UBTD1: variants seen among roughly 807,000 people sequenced by gnomAD.
UBTD1 encodes ubiquitin domain-containing protein 1.
A neutral mutation model predicts 21.7 loss-of-function variants in UBTD1; 19 were observed. The ratio of observed to expected loss-of-function variants is 0.87; its 90% CI spans 0.61 to 1.28. The LOEUF is 1.28. Ranked by LOEUF, UBTD1 falls within the 50% of genes most tolerant of loss-of-function variation. The probability of loss-of-function intolerance (pLI) is 0.00; values close to 1 mark genes in which losing one functional copy is unlikely to be tolerated. For missense variants in UBTD1, 282 were observed against 315.1 expected (o/e 0.89, Z 0.80); for synonymous variants, 116 against 135.1 (o/e 0.86, Z 0.98).
At chr10:97,515,623 T>G (rs946985) in intron 1 of UBTD1, among the ~76,000 whole-genome samples, 118,378 of 152,176 alleles carry the variant, frequency 0.78, 47,355 homozygotes, top group East Asian at 0.98. Context: ...CTCTCTCTCA[T>G]CTCTGCTTCT....
chr10:97,540,840 C>T (rs1191342142), intron 1 of UBTD1, among the ~76,000 whole-genome samples: 6 of 152,190 alleles, frequency 3.9e-5, no homozygotes, highest in Non-Finnish European at 5.9e-5. Flanking sequence ...TGGGCATTGC[C>T]GAGTCAATTT....
Position 97,568,250 on chromosome 10 carries a change from T to A in UBTD1, c.298+109T>A, listed in dbSNP as rs529187030. Reference sequence around the variant, plus strand: ...GGTGGGGCAGGTGGTTACTCACGTATTCATTCATTCAAGCACCCCTTACTG... The same window carrying A: ...GGTGGGGCAGGTGGTTACTCACGTAATCATTCATTCAAGCACCCCTTACTG... On this transcript the variant is annotated intron_variant, in intron 2 of 2. Transcript: ENST00000370664. 5.8e-5 allele frequency: 65 copies of A among 1,126,138 alleles called. No individual in the cohort carries two copies. In the South Asian group the frequency reaches 8.7e-4, roughly 15 times the overall value. 69.8% of individuals were successfully genotyped at this position (1,126,138 alleles called of 1,614,324 possible). A position where few individuals can be genotyped will look rare whatever the true frequency, so the allele number is the denominator to read the frequency against.
At chr10:97,513,855 G>A (rs928167225) in intron 1 of UBTD1, among the ~76,000 whole-genome samples, 20 of 151,968 alleles carry the variant, frequency 1.3e-4, no homozygotes, top group Non-Finnish European at 2.8e-4. Context: ...AAGACTACAG[G>A]TGCGGGCTAC....
chr10:97,512,912 G>A (rs11189249), intron 1 of UBTD1, among the ~76,000 whole-genome samples: 77,066 of 152,154 alleles, frequency 0.51, 21,312 homozygotes, highest in East Asian at 0.87. Flanking sequence ...TCTGGTGCTA[G>A]TTTGGGTAGG....
At chr10:97,564,048 G>A (rs2040706329) in intron 1 of UBTD1, among the ~76,000 whole-genome samples, 1 of 152,168 alleles carries the variant, frequency 6.6e-6, no homozygotes, top group Admixed American at 6.5e-5. Context: ...GCGGATGGCA[G>A]TTGGGGTACT....
intron 1 of UBTD1, among the ~76,000 whole-genome samples, chr10:97,531,275 A>G (rs2040530683): frequency 6.7e-6 from 1 of 150,138 alleles, no homozygotes; most frequent in Non-Finnish European, 1.5e-5. Context: ...CAGTGGCACA[A>G]TCTCGGCTTG....
intron 1 of UBTD1, among the ~76,000 whole-genome samples, chr10:97,550,553 C>T (rs920925623): frequency 2.6e-5 from 4 of 152,174 alleles, no homozygotes; most frequent in Admixed American, 6.5e-5. Flanking sequence ...CTGCTCACGG[C>T]GCCTCGGTCA....
intron 1 of UBTD1, among the ~76,000 whole-genome samples, chr10:97,530,015 A>T (rs555328953): frequency 6.6e-6 from 1 of 152,232 alleles, no homozygotes; most frequent in East Asian, 1.9e-4. Flanking sequence ...AGGGGGTGAG[A>T]CCACATTCAC....
At chr10:97,559,099 C>G (rs962313132) in intron 1 of UBTD1, among the ~76,000 whole-genome samples, 5 of 152,228 alleles carry the variant, frequency 3.3e-5, no homozygotes, top group Non-Finnish European at 7.3e-5. Context: ...AATGCTAAGT[C>G]TCCTCCCTGC....
intron 1 of UBTD1, among the ~76,000 whole-genome samples, chr10:97,534,884 G>A (rs2040552672): frequency 6.6e-6 from 1 of 152,164 alleles, no homozygotes. Flanking sequence ...CAAGCTCTCA[G>A]TCCTCCTTGC....
intron 1 of UBTD1, among the ~76,000 whole-genome samples, chr10:97,556,413 C>T (rs2040664380): frequency 6.6e-6 from 1 of 152,236 alleles, no homozygotes; most frequent in Non-Finnish European, 1.5e-5. Context: ...TAGCATTTCT[C>T]ATCAGAGTCT....
At chr10:97,527,781 TC>T (rs1230231329) in intron 1 of UBTD1, among the ~76,000 whole-genome samples, 8 of 151,986 alleles carry the variant, frequency 5.3e-5, no homozygotes, top group Non-Finnish European at 1.2e-4. Flanking sequence ...AGGTCATAGA[TC>T]AACAGGATCC....
At chr10:97,502,858 T>TATATATATGTATATATAC (rs1461475774) in intron 1 of UBTD1, among the ~76,000 whole-genome samples, 115 of 149,150 alleles carry the variant, frequency 7.7e-4, no homozygotes, top group Non-Finnish European at 1.2e-3. Context: ...CATATATACG[T>TATATATATGTATATATAC]ATATATACGT....
At chr10:97,566,171 G>A (rs2040716044) in intron 1 of UBTD1, among the ~76,000 whole-genome samples, 1 of 151,556 alleles carries the variant, frequency 6.6e-6, no homozygotes, top group Non-Finnish European at 1.5e-5. Context: ...CCTTAACTCA[G>A]TATTTCATAA....
chr10:97,528,891 T>TG (rs1171747495), intron 1 of UBTD1, among the ~76,000 whole-genome samples: 1 of 88,898 alleles, frequency 1.1e-5, no homozygotes, highest in Non-Finnish European at 2.3e-5. Flanking sequence ...GCTGGCCGGG[T>TG]GGGGGGCTGA....
At chr10:97,551,439 G>A (rs1008114186) in intron 1 of UBTD1, among the ~76,000 whole-genome samples, 4 of 152,038 alleles carry the variant, frequency 2.6e-5, no homozygotes, top group African/African-American at 4.8e-5. Context: ...TTGCGGAAAC[G>A]CATGCTTTTT....
chr10:97,562,606 T>C (rs980237117), intron 1 of UBTD1, among the ~76,000 whole-genome samples: 2 of 151,594 alleles, frequency 1.3e-5, no homozygotes, highest in African/African-American at 4.9e-5. Flanking sequence ...TACAAAGTAA[T>C]TCACAAGGGC....
At chr10:97,517,681 G>A (rs1406479953) in intron 1 of UBTD1, among the ~76,000 whole-genome samples, 1 of 152,162 alleles carries the variant, frequency 6.6e-6, no homozygotes, top group African/African-American at 2.4e-5. Flanking sequence ...GACTGGACAT[G>A]GGCTCCACTA....
chr10:97,557,571 CT>C (rs1267590166), intron 1 of UBTD1, among the ~76,000 whole-genome samples: 2 of 151,992 alleles, frequency 1.3e-5, no homozygotes, highest in East Asian at 1.9e-4. Context: ...TACTGTGTAA[CT>C]TTTTTTTCCA....
Sources: allele counts gnomAD v4.1 joint callset (sites outside exome capture counted in the v4.1 genomes callset), GRCh38; gene constraint gnomAD v4.1.1; transcripts MANE v1.5; gene names NCBI Gene and HGNC (gene_info 2026-07-23, HGNC 2026-07-21).